The following LRRC4C variants were observed in gnomAD, a reference collection of about 807,000 sequenced individuals.
LRRC4C encodes the protein leucine rich repeat containing 4C.
LRRC4C carries 5 observed loss-of-function variants against 33.6 expected under a neutral mutation model. That is an observed-to-expected ratio of 0.15 (90% CI 0.08 to 0.31). LRRC4C has a LOEUF of 0.31. Ranked by LOEUF, LRRC4C falls within the 10% of genes least tolerant of loss-of-function variation. The pLI, the probability that LRRC4C is intolerant of heterozygous loss-of-function variation, is 1.00. For synonymous variants in LRRC4C, 329 were observed against 302.0 expected, an observed-to-expected ratio of 1.09 and a Z score of -0.93; for missense variants, 560 against 796.7, an observed-to-expected ratio of 0.70 and a Z score of 3.58.
At chr11:40,588,457 T>G (rs1237291482) in intron 3 of LRRC4C, among the ~76,000 whole-genome samples, 1 of 151,862 alleles carries the variant, frequency 6.6e-6, no homozygotes, top group Admixed American at 6.6e-5. Flanking sequence ...TTTGAAGGGT[T>G]TTTTGTGTCT....
Position 40,156,580 on chromosome 11 carries a change from A to G in LRRC4C, c.-95-15727T>C, listed in dbSNP as rs535532716. 1.2e-4 allele frequency among the ~76,000 whole-genome samples: 18 copies of G among 152,200 alleles called. No homozygotes were observed. The South Asian group carries it at 3.5e-3, about 30-fold the overall frequency. The stretch of plus-strand genomic sequence containing the variant: ...AACCAAGCAGAGAATCAAATCAAGA[A>G]CTCAACCTCTTTTACAATGGCTGCA... On this transcript the variant is annotated intron_variant, in intron 5 of 6. Coordinates refer to ENST00000528697, the MANE Select transcript of LRRC4C (RefSeq NM_001258419.2).
chr11:40,625,771 A>T (rs1488041602), intron 3 of LRRC4C, among the ~76,000 whole-genome samples: 2 of 152,044 alleles, frequency 1.3e-5, no homozygotes, highest in African/African-American at 4.8e-5. Flanking sequence ...TTTCTTCTCT[A>T]TTTACCTTCA....
At chr11:41,304,222 G>A (rs1950393153) in intron 1 of LRRC4C, among the ~76,000 whole-genome samples, 1 of 123,164 alleles carries the variant, frequency 8.1e-6, no homozygotes, top group South Asian at 2.8e-4. Flanking sequence ...GAGGGAGGTG[G>A]GGGGGTCAGC....
intron 3 of LRRC4C, among the ~76,000 whole-genome samples, chr11:40,455,567 G>T (rs1354360523): frequency 2.0e-5 from 3 of 152,130 alleles, no homozygotes; most frequent in Non-Finnish European, 4.4e-5. Context: ...TGCTTGAATT[G>T]TTCATCTGTC....
chr11:40,605,592 C>T (rs1165215364), intron 3 of LRRC4C, among the ~76,000 whole-genome samples: 2 of 152,172 alleles, frequency 1.3e-5, no homozygotes, highest in Non-Finnish European at 2.9e-5. Flanking sequence ...AGTTCCAGCT[C>T]TCAAATTCTC....
intron 5 of LRRC4C, among the ~76,000 whole-genome samples, chr11:40,206,361 G>A (rs1863150456): frequency 6.6e-6 from 1 of 151,994 alleles, no homozygotes; most frequent in South Asian, 2.1e-4. Flanking sequence ...TCAGCCTGCC[G>A]AGTACCTGGG....
intron 2 of LRRC4C, among the ~76,000 whole-genome samples, chr11:40,846,701 A>C (rs556030267): frequency 6.6e-6 from 1 of 152,250 alleles, no homozygotes; most frequent in South Asian, 2.1e-4. Flanking sequence ...GAAGAAAGTC[A>C]ATGTTAGCGT....
chr11:40,313,014 C>A (rs534479074), intron 4 of LRRC4C, among the ~76,000 whole-genome samples: 1 of 152,054 alleles, frequency 6.6e-6, no homozygotes, highest in African/African-American at 2.4e-5. Flanking sequence ...ATGTCTATCA[C>A]GCCAGAAGTG....
At chr11:41,341,235 G>A (rs747682796) in intron 1 of LRRC4C, among the ~76,000 whole-genome samples, 2 of 152,048 alleles carry the variant, frequency 1.3e-5, no homozygotes, top group Non-Finnish European at 2.9e-5. Flanking sequence ...AACTTAGAAT[G>A]ACCTAGTTCT....
At chr11:40,741,965 T>G (rs1948176534) in intron 2 of LRRC4C, among the ~76,000 whole-genome samples, 3 of 152,036 alleles carry the variant, frequency 2.0e-5, no homozygotes, top group Non-Finnish European at 4.4e-5. Flanking sequence ...GTTTAGGATT[T>G]CATCTGCTCT....
Position 40,116,266 on chromosome 11 carries a change from T to G in LRRC4C, c.27A>C (p.Pro9=), listed in dbSNP as rs747902015. Residue 9 remains proline (P), a synonymous_variant, in exon 7 of 7, where the codon CCA becomes CCC. Transcript: ENST00000528697. ...ACCTAGGACCTATCATTATCTGCTG[T>G]GGATGTAAGGTCATCTTGTTCAACA... The part of the protein sequence containing the change: MLNKMTLH[P]QQIMIGPRFN... 2 of 1,606,510 alleles carry G rather than the reference T, an allele frequency of 1.2e-6. No homozygotes were observed. The highest frequency in any genetic ancestry group is 2.2e-5 in the South Asian group (2 of 90,770).
intron 3 of LRRC4C, among the ~76,000 whole-genome samples, chr11:40,595,335 C>T (rs985842190): frequency 6.6e-6 from 1 of 151,926 alleles, no homozygotes; most frequent in Non-Finnish European, 1.5e-5. Flanking sequence ...AAAATATTAT[C>T]GAAGTACTGA....
intron 1 of LRRC4C, among the ~76,000 whole-genome samples, chr11:41,416,255 T>C (rs1195224792): frequency 6.6e-6 from 1 of 152,068 alleles, no homozygotes; most frequent in Non-Finnish European, 1.5e-5. Flanking sequence ...CCCACCGTTT[T>C]ACATGGGAGC....
At chr11:41,135,585 T>C (rs1337905134) in intron 1 of LRRC4C, among the ~76,000 whole-genome samples, 3 of 152,200 alleles carry the variant, frequency 2.0e-5, no homozygotes, top group Non-Finnish European at 2.9e-5. Flanking sequence ...ATAGGCTACA[T>C]ATACATTAAT....
At chr11:41,377,425 C>A (rs374393409) in intron 1 of LRRC4C, among the ~76,000 whole-genome samples, 22 of 152,242 alleles carry the variant, frequency 1.4e-4, no homozygotes, top group Admixed American at 3.9e-4. Context: ...AGACACAATA[C>A]TTCTTTGCTT....
intron 3 of LRRC4C, among the ~76,000 whole-genome samples, chr11:40,546,707 C>T (rs1956939764): frequency 6.6e-6 from 1 of 152,046 alleles, no homozygotes; most frequent in African/African-American, 2.4e-5. Flanking sequence ...TATATACCAC[C>T]AATCATCAGA....
intron 1 of LRRC4C, among the ~76,000 whole-genome samples, chr11:41,267,316 T>C (rs1199774242): frequency 6.6e-6 from 1 of 152,122 alleles, no homozygotes; most frequent in African/African-American, 2.4e-5. Flanking sequence ...TGCTACCACT[T>C]AGAAGGGGTA....
chr11:40,875,468 T>C (rs1179880316), intron 2 of LRRC4C, among the ~76,000 whole-genome samples: 1 of 152,196 alleles, frequency 6.6e-6, no homozygotes, highest in African/African-American at 2.4e-5. Context: ...CCCTCTAGGA[T>C]AGTAGTATGA....
chr11:41,262,581 G>T (rs1215726109), intron 1 of LRRC4C, among the ~76,000 whole-genome samples: 1 of 151,926 alleles, frequency 6.6e-6, no homozygotes, highest in African/African-American at 2.4e-5. Flanking sequence ...TTAAAGCCAG[G>T]ATAACAAAAT....
Sources: gnomAD v4.1 joint callset for allele counts (sites outside exome capture counted in the v4.1 genomes callset) on GRCh38, gnomAD v4.1.1 for gene constraint, MANE v1.5 for transcripts, NCBI Gene and HGNC (gene_info 2026-07-23, HGNC 2026-07-21) for gene names.